Variants in AGBL1 observed in about 807,000 individuals in gnomAD.
AGBL1 encodes the protein cytosolic carboxypeptidase 4.
AGBL1 carries 130 observed loss-of-function variants against 118.9 expected under a neutral mutation model. That is an observed-to-expected ratio of 1.09 (90% confidence interval 0.95 to 1.26). The LOEUF is 1.26. Ranked by LOEUF, AGBL1 falls within the 50% of genes most tolerant of loss-of-function variation. AGBL1 has a pLI of 0.00. For missense variants in AGBL1, 1,584 were observed against 1,298.1 expected, an observed-to-expected ratio of 1.22 and a Z score of -3.38; for synonymous variants, 555 against 478.9, an observed-to-expected ratio of 1.16 and a Z score of -2.08.
At chr15:86,451,895 G>A (rs1433926333) in intron 18 of AGBL1, among the ~76,000 whole-genome samples, 3 of 151,916 alleles carry the variant, frequency 2.0e-5, no homozygotes, top group South Asian at 2.1e-4. Flanking sequence ...AATCCTCACT[G>A]GATAAAGTTT....
chr15:86,565,852 C>G (rs191039656), intron 21 of AGBL1, among the ~76,000 whole-genome samples: 3 of 152,222 alleles, frequency 2.0e-5, no homozygotes, highest in Non-Finnish European at 4.4e-5. Flanking sequence ...CCCCCAGCCT[C>G]GCTGCTGCCT....
intron 17 of AGBL1, 30 bp downstream of exon 17, chr15:86,295,438 G>T: frequency 6.5e-7 from 1 of 1,530,798 alleles, no homozygotes; most frequent in Non-Finnish European, 8.8e-7. Context: ...CTTCGTAGAA[G>T]ATTTGACTAA....
chr15:87,023,593 A>T (rs1172991937), intron 24 of AGBL1, among the ~76,000 whole-genome samples: 2 of 152,136 alleles, frequency 1.3e-5, no homozygotes, highest in Non-Finnish European at 2.9e-5. Flanking sequence ...GAAATTCAAC[A>T]AAGAAACAAT....
intron 1 of AGBL1, among the ~76,000 whole-genome samples, chr15:86,123,078 C>G (rs1399634326): frequency 6.6e-6 from 1 of 152,194 alleles, no homozygotes; most frequent in Admixed American, 6.5e-5. Context: ...AATCTGCATT[C>G]TATAGAGAAT....
At position 86,166,792 on chromosome 15, in the gene AGBL1, A is replaced by G. The variant is rs545412619; in HGVS notation, c.488+7766A>G. On this transcript the variant is annotated intron_variant, in intron 5 of 22. Transcript: ENST00000614907. The stretch of plus-strand genomic sequence containing the variant: ...TGCTTGATATGTTGATATTGGATGG[A>G]TCAAATAAGTTACACAGACAGGCCT... 4.6e-5 allele frequency among the ~76,000 whole-genome samples: 7 copies of G among 152,264 alleles called. No homozygotes were observed. The South Asian group carries it at 1.5e-3, about 32-fold the overall frequency.
intron 22 of AGBL1, among the ~76,000 whole-genome samples, chr15:86,817,552 C>T (rs1049047240): frequency 2.3e-5 from 3 of 130,184 alleles, no homozygotes; most frequent in Non-Finnish European, 4.8e-5. Context: ...CACAGACACA[C>T]AGAGGAGAGA....
chr15:86,405,222 C>A (rs1011581967), intron 18 of AGBL1, among the ~76,000 whole-genome samples: 2 of 152,102 alleles, frequency 1.3e-5, no homozygotes, highest in Admixed American at 1.3e-4. Flanking sequence ...AAGAAAGTGC[C>A]TATGCCTGGC....
At chr15:86,158,870 A>G in intron 4 of AGBL1, 63 bp from the exon 5 acceptor site, 1 of 1,445,238 alleles carries the variant, frequency 6.9e-7, no homozygotes, top group Non-Finnish European at 9.7e-7. Flanking sequence ...AGTCAATCCA[A>G]GTTGTCTTGA....
At chr15:86,740,574 ACAGT>A (rs1234557453) in intron 22 of AGBL1, among the ~76,000 whole-genome samples, 4 of 152,198 alleles carry the variant, frequency 2.6e-5, no homozygotes, top group Admixed American at 6.5e-5. Context: ...GAAATAGAAA[ACAGT>A]CAGTGTGAAG....
At chr15:86,193,923 A>G (rs2077760406) in intron 5 of AGBL1, among the ~76,000 whole-genome samples, 1 of 152,240 alleles carries the variant, frequency 6.6e-6, no homozygotes, top group Admixed American at 6.5e-5. Context: ...GCCAAGAGAG[A>G]GGCATAGCAG....
chr15:86,606,335 C>T (rs1567080760), intron 21 of AGBL1, among the ~76,000 whole-genome samples: 1 of 151,998 alleles, frequency 6.6e-6, no homozygotes, highest in Non-Finnish European at 1.5e-5. Context: ...TTGGCAAGGA[C>T]ACTCAACAGT....
At chr15:86,725,277 C>T (rs2086802476) in intron 22 of AGBL1, among the ~76,000 whole-genome samples, 1 of 152,080 alleles carries the variant, frequency 6.6e-6, no homozygotes, top group Non-Finnish European at 1.5e-5. Context: ...AAATCATGTA[C>T]AATGAAACTA....
At chr15:86,847,769 T>C (rs2079339924) in intron 22 of AGBL1, among the ~76,000 whole-genome samples, 1 of 152,208 alleles carries the variant, frequency 6.6e-6, no homozygotes, top group Non-Finnish European at 1.5e-5. Flanking sequence ...CAGACAGTGA[T>C]GTGTGGATAA....
At chr15:86,164,042 G>C (rs2077303754) in intron 5 of AGBL1, among the ~76,000 whole-genome samples, 1 of 152,242 alleles carries the variant, frequency 6.6e-6, no homozygotes. Context: ...CCACCAGCTT[G>C]AAAGGGAGCA....
intron 21 of AGBL1, among the ~76,000 whole-genome samples, chr15:86,604,768 C>CTTTTTCTTTCTTTTTTTT (rs1477397866): frequency 6.9e-6 from 1 of 145,982 alleles, no homozygotes; most frequent in African/African-American, 2.5e-5. Context: ...TTTCACATTT[C>CTTTTTCTTTCTTTTTTTT]TTTTTCTTTC....
chr15:86,501,779 A>G (rs1391780177), intron 18 of AGBL1, among the ~76,000 whole-genome samples: 1 of 151,358 alleles, frequency 6.6e-6, no homozygotes, highest in Admixed American at 6.6e-5. Flanking sequence ...TTATTTCTGG[A>G]CTCTCACTTC....
intron 21 of AGBL1, among the ~76,000 whole-genome samples, chr15:86,667,900 T>G (rs1016650482): frequency 6.6e-6 from 1 of 152,182 alleles, no homozygotes; most frequent in Admixed American, 6.5e-5. Flanking sequence ...AGAAAAGAGG[T>G]TTATTTGGCT....
intron 22 of AGBL1, among the ~76,000 whole-genome samples, chr15:86,847,274 A>G (rs900231178): frequency 6.6e-6 from 1 of 152,132 alleles, no homozygotes; most frequent in Admixed American, 6.5e-5. Context: ...GTTTCTAATC[A>G]CTGCTTGTTC....
chr15:86,215,221 A>ATGTGTG (rs766862249), intron 5 of AGBL1, among the ~76,000 whole-genome samples: 70 of 124,766 alleles, frequency 5.6e-4, no homozygotes, highest in African/African-American at 1.9e-3. Context: ...GTGTATATGT[A>ATGTGTG]TGCGTGTGTG....
Sources: allele counts gnomAD v4.1 joint callset (sites outside exome capture counted in the v4.1 genomes callset), GRCh38; gene constraint gnomAD v4.1.1; transcripts MANE v1.5; gene names NCBI Gene and HGNC (gene_info 2026-07-23, HGNC 2026-07-21).